NEGR1: variants seen among roughly 807,000 people sequenced by gnomAD.
NEGR1 encodes IgLON family member 4.
Under a neutral mutation model 40.9 loss-of-function variants are expected in NEGR1, and 10 were observed. That is an observed-to-expected ratio of 0.24 (90% confidence interval 0.15 to 0.42). The LOEUF (loss-of-function observed/expected upper bound fraction) is 0.42. Among genes scored for constraint, NEGR1 ranks in the 10% least tolerant of loss-of-function variants. The pLI is 1.00. For synonymous variants in NEGR1, 185 were observed against 166.8 expected (o/e 1.11, Z -0.84); for missense variants, 352 against 438.9 (o/e 0.80, Z 1.77).
At chr1:71,407,722 G>T (rs1459575950) in intron 6 of NEGR1, 152 bp from the exon 7 acceptor site, 1 of 641,956 alleles carries the variant, frequency 1.6e-6, no homozygotes, top group South Asian at 2.2e-5. Flanking sequence ...ATATGACAAC[G>T]TGTGGGCTAT....
chr1:71,628,454 G>A (rs1650860438), intron 4 of NEGR1, among the ~76,000 whole-genome samples: 3 of 151,958 alleles, frequency 2.0e-5, no homozygotes, highest in Admixed American at 1.3e-4. Context: ...TGAGATACAT[G>A]TGCAGAACAT....
At chr1:72,217,729 A>G (rs1002549651) in intron 1 of NEGR1, among the ~76,000 whole-genome samples, 3 of 151,994 alleles carry the variant, frequency 2.0e-5, no homozygotes, top group Non-Finnish European at 4.4e-5. Flanking sequence ...CAAAACAGTG[A>G]AACAGCCCTA....
chr1:71,932,603 A>T (rs1258294296), intron 2 of NEGR1, among the ~76,000 whole-genome samples: 1 of 151,918 alleles, frequency 6.6e-6, no homozygotes, highest in Non-Finnish European at 1.5e-5. Context: ...AAAATGATTT[A>T]AAAAAAATAG....
At chr1:71,883,819 T>C (rs1262466409) in intron 2 of NEGR1, among the ~76,000 whole-genome samples, 2 of 147,736 alleles carry the variant, frequency 1.4e-5, no homozygotes, top group African/African-American at 2.5e-5. Context: ...AGTGAGAACA[T>C]GTGGTGTTTG....
intron 1 of NEGR1, among the ~76,000 whole-genome samples, chr1:72,050,089 C>G (rs940472143): frequency 6.6e-6 from 1 of 151,312 alleles, no homozygotes; most frequent in African/African-American, 2.4e-5. Flanking sequence ...AAGTCCACTG[C>G]TTTTCTAGAT....
chr1:71,908,453 G>C (rs766888027), intron 2 of NEGR1, among the ~76,000 whole-genome samples: 68 of 152,070 alleles, frequency 4.5e-4, no homozygotes, highest in Admixed American at 7.2e-4. Flanking sequence ...GAAAGGCAGG[G>C]ACCCAACATG....
intron 6 of NEGR1, among the ~76,000 whole-genome samples, chr1:71,416,717 C>T (rs897630673): frequency 1.3e-5 from 2 of 152,170 alleles, no homozygotes; most frequent in Non-Finnish European, 2.9e-5. Context: ...AGTCTTATAC[C>T]TGATACTCTG....
At chr1:72,084,913 T>C (rs983281335) in intron 1 of NEGR1, among the ~76,000 whole-genome samples, 3 of 152,168 alleles carry the variant, frequency 2.0e-5, no homozygotes, top group African/African-American at 7.2e-5. Flanking sequence ...GAAACGATTA[T>C]AAAAGTGAGT....
At chr1:71,440,439 T>C (rs558333570) in intron 6 of NEGR1, among the ~76,000 whole-genome samples, 2 of 152,358 alleles carry the variant, frequency 1.3e-5, no homozygotes, top group South Asian at 4.1e-4. Context: ...TAAATTCTAC[T>C]AATTTTCAAG....
intron 1 of NEGR1, among the ~76,000 whole-genome samples, chr1:72,225,422 T>C (rs936908158): frequency 3.3e-5 from 5 of 151,792 alleles, no homozygotes; most frequent in African/African-American, 1.2e-4. Flanking sequence ...ATGAGTTTTG[T>C]ATTATAAAAT....
Position 71,405,049 on chromosome 1 carries a change from TC to T in NEGR1, c.*2396del, listed in dbSNP as rs1368921962. On this transcript the variant is annotated 3_prime_UTR_variant, in exon 7 of 7. Coordinates refer to ENST00000357731, the MANE Select transcript of NEGR1 (RefSeq NM_173808.3). Reference sequence around the variant, plus strand: ...GATACAGAAAAACATAGTGAATACCTCCTCTATTTAAAAATGTCACTCAAGA... The same window carrying T: ...GATACAGAAAAACATAGTGAATACCTCTCTATTTAAAAATGTCACTCAAGA... 1 of 152,056 alleles carries T rather than the reference TC, an allele frequency of 6.6e-6. No homozygotes were observed. The highest frequency in any genetic ancestry group is 1.5e-5 in the Non-Finnish European group (1 of 67,738). The allele number at this position is 152,056 out of a possible 1,614,324, so 9.4% of individuals were successfully genotyped here.
intron 1 of NEGR1, among the ~76,000 whole-genome samples, chr1:72,159,655 T>G (rs1315886243): frequency 6.6e-6 from 1 of 152,144 alleles, no homozygotes; most frequent in Non-Finnish European, 1.5e-5. Flanking sequence ...CATTAAGTAT[T>G]CCAACTTTCT....
intron 2 of NEGR1, among the ~76,000 whole-genome samples, chr1:71,928,301 T>C (rs1052493946): frequency 2.0e-4 from 27 of 137,768 alleles, no homozygotes; most frequent in African/African-American, 6.8e-4. Flanking sequence ...TATATATGTA[T>C]ATATACACAC....
chr1:71,658,381 C>T (rs1052953892), intron 4 of NEGR1, among the ~76,000 whole-genome samples: 11 of 152,026 alleles, frequency 7.2e-5, no homozygotes, highest in East Asian at 5.8e-4. Flanking sequence ...TAACTATTGT[C>T]GTCCTTGGTT....
chr1:72,150,931 T>G (rs1187087677), intron 1 of NEGR1, among the ~76,000 whole-genome samples: 2 of 152,018 alleles, frequency 1.3e-5, no homozygotes, highest in Non-Finnish European at 2.9e-5. Context: ...CTTGCTTGTT[T>G]TAGGTAATGG....
intron 4 of NEGR1, among the ~76,000 whole-genome samples, chr1:71,680,881 T>C (rs1042207048): frequency 6.6e-6 from 1 of 152,254 alleles, no homozygotes; most frequent in Non-Finnish European, 1.5e-5. Context: ...TGCCAGAAGT[T>C]TATGTTTTAG....
At chr1:72,024,536 A>G (rs1376671757) in intron 1 of NEGR1, among the ~76,000 whole-genome samples, 2 of 152,176 alleles carry the variant, frequency 1.3e-5, no homozygotes, top group Non-Finnish European at 2.9e-5. Context: ...TACATGCCCT[A>G]GAAAAATTAC....
chr1:71,522,425 A>C (rs1001054349), intron 6 of NEGR1, among the ~76,000 whole-genome samples: 3 of 151,852 alleles, frequency 2.0e-5, no homozygotes, highest in Non-Finnish European at 4.4e-5. Context: ...GTCTGAGTAT[A>C]ATCTCATTTT....
intron 1 of NEGR1, among the ~76,000 whole-genome samples, chr1:72,019,116 A>C (rs1304544299): frequency 6.6e-6 from 1 of 152,154 alleles, no homozygotes; most frequent in Non-Finnish European, 1.5e-5. Flanking sequence ...GAAGTCAAGG[A>C]TGATTCTAGG....
Sources: gnomAD v4.1 joint callset for allele counts (sites outside exome capture counted in the v4.1 genomes callset) on GRCh38, gnomAD v4.1.1 for gene constraint, MANE v1.5 for transcripts, NCBI Gene and HGNC (gene_info 2026-07-23, HGNC 2026-07-21) for gene names.